The following GALNT17 variants were observed in gnomAD, a reference collection of about 807,000 sequenced individuals.
GALNT17 encodes UDP-GalNAc:polypeptide N-acetylgalactosaminyltransferase-like 3.
A neutral mutation model predicts 63.7 loss-of-function variants in GALNT17; 29 were observed. That is an observed-to-expected ratio of 0.46 (90% CI 0.34 to 0.62). The LOEUF is 0.62. Ranked by LOEUF, GALNT17 falls within the 20% of genes least tolerant of loss-of-function variation. GALNT17 has a pLI of 0.01. For missense variants in GALNT17, 603 were observed against 799.6 expected, an observed-to-expected ratio of 0.75 and a Z score of 2.97; for synonymous variants, 305 against 318.3, an observed-to-expected ratio of 0.96 and a Z score of 0.45.
At chr7:71,652,927 CCCA>C (rs1790774546) in intron 6 of GALNT17, among the ~76,000 whole-genome samples, 1 of 152,148 alleles carries the variant, frequency 6.6e-6, no homozygotes, top group South Asian at 2.1e-4. Context: ...TTGCAGGGCG[CCCA>C]GCAAGGAGAA....
intron 7 of GALNT17, among the ~76,000 whole-genome samples, 193 bp downstream of exon 7, chr7:71,665,789 AG>A (rs1790976495): frequency 6.6e-6 from 1 of 152,190 alleles, no homozygotes; most frequent in African/African-American, 2.4e-5. Flanking sequence ...GCACAATGGA[AG>A]TCTCTTTAAA....
At chr7:71,256,789 A>C (rs1790297585) in intron 1 of GALNT17, among the ~76,000 whole-genome samples, 1 of 152,158 alleles carries the variant, frequency 6.6e-6, no homozygotes, top group Non-Finnish European at 1.5e-5. Context: ...TTTTGCCAAC[A>C]CTGCGTATCT....
intron 1 of GALNT17, among the ~76,000 whole-genome samples, chr7:71,212,579 G>T (rs1789401397): frequency 6.6e-6 from 1 of 152,130 alleles, no homozygotes; most frequent in South Asian, 2.1e-4. Context: ...GCACCTGGAA[G>T]AGCCACAGAC....
At chr7:71,283,182 G>A (rs1330894067) in intron 1 of GALNT17, among the ~76,000 whole-genome samples, 1 of 151,752 alleles carries the variant, frequency 6.6e-6, no homozygotes, top group Non-Finnish European at 1.5e-5. Context: ...TGTAGGTGTG[G>A]GCCACCATGC....
chr7:71,257,961 C>T (rs1233953822), intron 1 of GALNT17, among the ~76,000 whole-genome samples: 1 of 152,202 alleles, frequency 6.6e-6, no homozygotes, highest in African/African-American at 2.4e-5. Flanking sequence ...TATTTGACCT[C>T]TGCATTGGCC....
chr7:71,395,166 T>G (rs894393727), intron 3 of GALNT17, among the ~76,000 whole-genome samples: 3 of 152,160 alleles, frequency 2.0e-5, no homozygotes, highest in South Asian at 2.1e-4. Context: ...TTTGCACCTA[T>G]CACCACTACC....
chr7:71,390,941 C>T (rs769407138), intron 3 of GALNT17, among the ~76,000 whole-genome samples: 25 of 152,162 alleles, frequency 1.6e-4, no homozygotes, highest in South Asian at 4.2e-4. Context: ...GCTCCAAGTG[C>T]GAGGGAGCTG....
At chr7:71,539,543 C>T (rs930623427) in intron 5 of GALNT17, among the ~76,000 whole-genome samples, 10 of 151,886 alleles carry the variant, frequency 6.6e-5, no homozygotes, top group East Asian at 1.9e-4. Flanking sequence ...ATGGTGCCTT[C>T]GACATCAATC....
chr7:71,508,287 T>C (rs1788298756), intron 5 of GALNT17, among the ~76,000 whole-genome samples: 1 of 152,236 alleles, frequency 6.6e-6, no homozygotes, highest in African/African-American at 2.4e-5. Flanking sequence ...AAGGTTTCCA[T>C]GTCTGTTGCA....
intron 5 of GALNT17, among the ~76,000 whole-genome samples, chr7:71,564,574 C>G (rs144383285): frequency 0.016 from 2,321 of 143,292 alleles, 14 homozygotes; most frequent in Non-Finnish European, 0.022. Flanking sequence ...GTGTGAGCCA[C>G]TGCACCCAGC....
chr7:71,678,507 G>A (rs951025299), intron 9 of GALNT17, among the ~76,000 whole-genome samples: 2 of 151,732 alleles, frequency 1.3e-5, no homozygotes, highest in African/African-American at 2.4e-5. Flanking sequence ...GCAAAACCCC[G>A]TCTCTGTTGG....
chr7:71,659,348 C>T (rs1211410264), intron 6 of GALNT17, among the ~76,000 whole-genome samples: 2 of 152,178 alleles, frequency 1.3e-5, no homozygotes, highest in Non-Finnish European at 2.9e-5. Flanking sequence ...GTCTGGGCTG[C>T]GGTCAGCCAG....
chr7:71,574,126 T>C (rs1789497060), intron 6 of GALNT17, among the ~76,000 whole-genome samples: 1 of 152,264 alleles, frequency 6.6e-6, no homozygotes, highest in Admixed American at 6.5e-5. Context: ...AACATACGTG[T>C]GCATGTGTCT....
chr7:71,551,195 C>T lies in GALNT17; in HGVS notation c.963-20090C>T, dbSNP rs1054306709. Among the ~76,000 whole-genome samples the T allele has an allele frequency of 2.0e-5, 3 of 152,064 alleles. No homozygotes were observed. The South Asian group carries it at 6.2e-4, about 32-fold the overall frequency. On this transcript the variant is annotated intron_variant, in intron 5 of 10. Coordinates refer to ENST00000333538, the MANE Select transcript of GALNT17 (RefSeq NM_022479.3). ...TTCTTCATAGTTTCTTCTGTCTTAGCCTCTAGTTCATTAATGCTCTCTTCA... is the reference window on the plus strand; with the variant it reads ...TTCTTCATAGTTTCTTCTGTCTTAGTCTCTAGTTCATTAATGCTCTCTTCA...
At chr7:71,334,076 A>C (rs974741723) in intron 1 of GALNT17, among the ~76,000 whole-genome samples, 5 of 152,216 alleles carry the variant, frequency 3.3e-5, no homozygotes, top group African/African-American at 1.2e-4. Context: ...TGGTGGCAGC[A>C]AGAAAAGATA....
At chr7:71,564,893 G>A (rs1358677193) in intron 5 of GALNT17, among the ~76,000 whole-genome samples, 7 of 152,110 alleles carry the variant, frequency 4.6e-5, no homozygotes, top group East Asian at 1.9e-4. Flanking sequence ...AGGGGACTCC[G>A]GGCAAGTCAT....
chr7:71,170,551 G>C (rs1161679113), intron 1 of GALNT17, among the ~76,000 whole-genome samples: 1 of 152,100 alleles, frequency 6.6e-6, no homozygotes, highest in African/African-American at 2.4e-5. Context: ...GGCTAGGCTG[G>C]TTTTGAACTC....
intron 2 of GALNT17, among the ~76,000 whole-genome samples, chr7:71,354,624 G>A (rs1306045725): frequency 6.6e-6 from 1 of 152,056 alleles, no homozygotes; most frequent in African/African-American, 2.4e-5. Flanking sequence ...GTTGGATTCT[G>A]TTCACTAATA....
intron 3 of GALNT17, among the ~76,000 whole-genome samples, chr7:71,407,438 G>A (rs1004949555): frequency 1.3e-5 from 2 of 152,102 alleles, no homozygotes; most frequent in Admixed American, 1.3e-4. Context: ...CCTTCAGCAA[G>A]GTCAAGGGTT....
Sources: allele counts gnomAD v4.1 joint callset (sites outside exome capture counted in the v4.1 genomes callset), GRCh38; gene constraint gnomAD v4.1.1; transcripts MANE v1.5; gene names NCBI Gene and HGNC (gene_info 2026-07-23, HGNC 2026-07-21).